The following EYS variants were observed in gnomAD, a reference collection of about 807,000 sequenced individuals.
EYS encodes protein eyes shut homolog.
EYS carries 250 observed loss-of-function variants against 282.1 expected under a neutral mutation model. That is an observed-to-expected ratio of 0.89 (90% confidence interval 0.80 to 0.98). EYS has a LOEUF of 0.98. EYS is among the 50% of genes least tolerant of loss of function. EYS has a pLI of 0.00. For missense variants in EYS, 4,016 were observed against 3,709.0 expected (o/e 1.08, Z -2.15); for synonymous variants, 1,355 against 1,282.9 (o/e 1.06, Z -1.20).
At chr6:64,274,543 C>T (rs972906570) in intron 30 of EYS, among the ~76,000 whole-genome samples, 1 of 129,942 alleles carries the variant, frequency 7.7e-6, no homozygotes, top group Admixed American at 8.7e-5. Flanking sequence ...TTCGAATTTG[C>T]CAAGTATGAT....
At chr6:65,388,213 T>C (rs563293936) in intron 7 of EYS, among the ~76,000 whole-genome samples, 19 of 152,054 alleles carry the variant, frequency 1.2e-4, no homozygotes, top group Non-Finnish European at 2.5e-4. Context: ...AAACCATCTG[T>C]ATTTGATAAT....
intron 22 of EYS, among the ~76,000 whole-genome samples, chr6:64,786,800 G>A (rs1053349831): frequency 2.0e-5 from 3 of 152,182 alleles, no homozygotes; most frequent in Non-Finnish European, 4.4e-5. Flanking sequence ...TGGCATAGCA[G>A]ACTGTGCCTT....
chr6:64,922,819 G>A (rs901573797), intron 15 of EYS, among the ~76,000 whole-genome samples: 1 of 152,176 alleles, frequency 6.6e-6, no homozygotes, highest in African/African-American at 2.4e-5. Flanking sequence ...CAGAGACTAT[G>A]ACAGTCATCT....
chr6:65,360,135 T>G (rs1764643530), intron 8 of EYS, among the ~76,000 whole-genome samples: 1 of 151,984 alleles, frequency 6.6e-6, no homozygotes, highest in South Asian at 2.1e-4. Flanking sequence ...ATTGTTTTTA[T>G]GACGCCACCT....
chr6:64,866,585 A>T (rs1208189168), intron 19 of EYS, among the ~76,000 whole-genome samples: 1 of 151,768 alleles, frequency 6.6e-6, no homozygotes, highest in Non-Finnish European at 1.5e-5. Context: ...GTTAGATATA[A>T]TTTTTATGAT....
chr6:64,658,668 G>A (rs183038827), intron 22 of EYS, among the ~76,000 whole-genome samples: 9 of 152,298 alleles, frequency 5.9e-5, no homozygotes, highest in African/African-American at 1.4e-4. Flanking sequence ...GCAGAACAGC[G>A]GATATTGGTG....
chr6:64,532,585 C>G (rs936948864), intron 26 of EYS, among the ~76,000 whole-genome samples: 2 of 151,826 alleles, frequency 1.3e-5, no homozygotes, highest in East Asian at 1.9e-4. Context: ...GGCAGGCGCC[C>G]GTAGTCCCAG....
chr6:65,602,134 C>T (rs1765635851), intron 2 of EYS, among the ~76,000 whole-genome samples: 1 of 151,808 alleles, frequency 6.6e-6, no homozygotes, highest in East Asian at 1.9e-4. Flanking sequence ...GGAAGTTCAA[C>T]AATTTAAAGT....
At chr6:64,904,957 T>G (rs749954671) in intron 16 of EYS, among the ~76,000 whole-genome samples, 3 of 152,194 alleles carry the variant, frequency 2.0e-5, no homozygotes, top group Non-Finnish European at 2.9e-5. Flanking sequence ...GTGGATTGCA[T>G]TCAATATAAA....
intron 31 of EYS, among the ~76,000 whole-genome samples, chr6:64,186,122 C>A (rs1234168963): frequency 1.3e-5 from 2 of 151,980 alleles, no homozygotes; most frequent in African/African-American, 4.8e-5. Context: ...TACAGGGCAG[C>A]GACTCCTCAG....
intron 26 of EYS, among the ~76,000 whole-genome samples, chr6:64,465,137 C>G (rs375058060): frequency 4.6e-5 from 7 of 152,030 alleles, no homozygotes; most frequent in African/African-American, 1.4e-4. Context: ...AAACGATATC[C>G]TTTGTTCATA....
At chr6:65,055,245 T>C (rs1477418244) in intron 13 of EYS, among the ~76,000 whole-genome samples, 2 of 152,050 alleles carry the variant, frequency 1.3e-5, no homozygotes, top group Non-Finnish European at 2.9e-5. Context: ...AACCTCTCAA[T>C]GTGCAGGGGC....
chr6:65,432,075 C>A (rs1452876400), intron 5 of EYS, among the ~76,000 whole-genome samples: 3 of 152,004 alleles, frequency 2.0e-5, no homozygotes, highest in Non-Finnish European at 4.4e-5. Flanking sequence ...TAATTAAAAT[C>A]TTATGATCCA....
intron 5 of EYS, among the ~76,000 whole-genome samples, chr6:65,487,525 G>A (rs879070311): frequency 1.3e-5 from 2 of 152,100 alleles, no homozygotes; most frequent in Admixed American, 6.6e-5. Flanking sequence ...GTATGAAGCC[G>A]ACTTGATCTT....
At chr6:64,750,706 T>A (rs959229509) in intron 22 of EYS, among the ~76,000 whole-genome samples, 2 of 152,164 alleles carry the variant, frequency 1.3e-5, no homozygotes, top group Admixed American at 1.3e-4. Context: ...TTTTAGAGCA[T>A]CTCATCCACT....
intron 33 of EYS, among the ~76,000 whole-genome samples, chr6:64,026,635 A>G (rs899092085): frequency 6.6e-6 from 1 of 152,160 alleles, no homozygotes; most frequent in Non-Finnish European, 1.5e-5. Flanking sequence ...AATACACAAT[A>G]TGCAAAGCTT....
At chr6:64,638,190 C>A (rs1165354118) in intron 22 of EYS, among the ~76,000 whole-genome samples, 1 of 91,128 alleles carries the variant, frequency 1.1e-5, no homozygotes, top group African/African-American at 4.2e-5. Flanking sequence ...TAAACACAGG[C>A]AGACTACTTT....
chr6:65,628,149 C>G (rs1582539912), intron 2 of EYS, among the ~76,000 whole-genome samples: 1 of 151,764 alleles, frequency 6.6e-6, no homozygotes, highest in South Asian at 2.1e-4. Context: ...CCTTGGAGAA[C>G]CTTTATGTCT....
At chr6:64,918,153 G>A (rs907811599) in intron 15 of EYS, among the ~76,000 whole-genome samples, 6 of 151,838 alleles carry the variant, frequency 4.0e-5, no homozygotes, top group Non-Finnish European at 7.4e-5. Flanking sequence ...CTTCTTCTTG[G>A]AAATAAATGT....
Sources: allele counts gnomAD v4.1 joint callset (sites outside exome capture counted in the v4.1 genomes callset), GRCh38; gene constraint gnomAD v4.1.1; transcripts MANE v1.5; gene names NCBI Gene and HGNC (gene_info 2026-07-23, HGNC 2026-07-21).